PCDHAC1: variants seen among roughly 807,000 people sequenced by gnomAD.
PCDHAC1 encodes protocadherin alpha subfamily C, 1, also known as protocadherin alpha-C1.
Under a neutral mutation model 60.0 loss-of-function variants are expected in PCDHAC1, and 42 were observed. The ratio of observed to expected loss-of-function variants is 0.70; its 90% CI spans 0.55 to 0.90. PCDHAC1 has a LOEUF of 0.90. PCDHAC1 is among the 40% of genes least tolerant of loss of function. The pLI, the probability that PCDHAC1 is intolerant of heterozygous loss-of-function variation, is 0.00. For missense variants in PCDHAC1, 1,160 were observed against 1,222.3 expected (o/e 0.95, Z 0.76); for synonymous variants, 468 against 499.3 (o/e 0.94, Z 0.84).
intron 1 of PCDHAC1, among the ~76,000 whole-genome samples, chr5:140,954,551 T>C (rs2095055563): frequency 6.6e-6 from 1 of 152,250 alleles, no homozygotes; most frequent in South Asian, 2.1e-4. Context: ...ATATGTTTGT[T>C]GGCTGCATGA....
Position 140,927,928 on chromosome 5 carries a change from T to C in PCDHAC1, c.1036T>C (p.Ser346Pro). 1 of 1,614,214 alleles carries C rather than the reference T, an allele frequency of 6.2e-7. No individual in the cohort carries two copies. The highest frequency in any genetic ancestry group is 8.5e-7 in the Non-Finnish European group (1 of 1,180,034). ...HAPELDFLTL[S>P]NPVPEDAAPG... ...CCCCGAACTGGACTTCCTGACTCTTTCGAACCCAGTACCTGAGGACGCTGC... is the reference window on the plus strand; with the variant it reads ...CCCCGAACTGGACTTCCTGACTCTTCCGAACCCAGTACCTGAGGACGCTGC... Residue 346 changes from serine (S) to proline (P), a missense_variant, in exon 1 of 4, where the codon TCG becomes CCG. Around this residue, in one of 3 missense-constraint regions of PCDHAC1, gnomAD observed 1,113 missense variants for 1,163.7 expected, o/e 0.96. Coordinates refer to ENST00000253807, the MANE Select transcript of PCDHAC1 (RefSeq NM_018898.5).
At chr5:140,963,032 T>G (rs541613535) in intron 1 of PCDHAC1, among the ~76,000 whole-genome samples, 2 of 152,172 alleles carry the variant, frequency 1.3e-5, no homozygotes, top group African/African-American at 2.4e-5. Flanking sequence ...CAATTAACAT[T>G]TATTGAGAGT....
At chr5:140,930,814 T>A (rs1554208117) in intron 1 of PCDHAC1, among the ~76,000 whole-genome samples, 1 of 152,210 alleles carries the variant, frequency 6.6e-6, no homozygotes, top group Non-Finnish European at 1.5e-5. Flanking sequence ...AAGATATGCT[T>A]AGTAAATGCT....
intron 1 of PCDHAC1, chr5:140,969,054 A>G (rs782226153): frequency 6.2e-7 from 1 of 1,614,182 alleles, no homozygotes; most frequent in South Asian, 1.1e-5. Context: ...GCCAACAACA[A>G]TATTGATGCC....
Position 140,928,172 on chromosome 5 carries a change from C to T in PCDHAC1, c.1280C>T (p.Thr427Ile), listed in dbSNP as rs782267454. The part of the protein sequence containing the change: ...ASDSGSPPLS[T>I]RRTITVSVAD... ...GATAGTGGCTCACCCCCACTTAGCA[C>T]CCGAAGGACAATCACTGTGTCAGTT... The change falls in exon 1 of 4, where the codon ACC (threonine) becomes ATC (isoleucine). Residue 427 changes from threonine to isoleucine, a missense_variant. Coordinates refer to ENST00000253807, the MANE Select transcript of PCDHAC1 (RefSeq NM_018898.5). The T allele has an allele frequency of 6.2e-7, 1 of 1,614,200 alleles. No homozygotes were observed. The highest frequency in any genetic ancestry group is 1.1e-5 in the South Asian group (1 of 91,082).
Position 140,928,572 on chromosome 5 carries a change from C to T in PCDHAC1, c.1680C>T (p.Pro560=). 6.2e-7 allele frequency: 1 copy of T among 1,614,200 alleles called. No homozygotes were observed. The highest frequency in any genetic ancestry group is 8.5e-7 in the Non-Finnish European group (1 of 1,180,038). ...DNYPVILFPL[P]RNGSVPVEIV... ...ATCCGGTTATCTTGTTTCCCTTGCC[C>T]AGAAATGGTTCTGTCCCAGTGGAAA... Residue 560 remains proline (P), a synonymous_variant, in exon 1 of 4, where the codon CCC becomes CCT. Coordinates refer to ENST00000253807, the MANE Select transcript of PCDHAC1 (RefSeq NM_018898.5).
rs572273107 is a variant in PCDHAC1, at chr5:140,941,410, G to A, written c.2433+12085G>A. 1.3e-4 allele frequency among the ~76,000 whole-genome samples: 19 copies of A among 147,656 alleles called. 1 individual carries two copies. In the South Asian group the frequency reaches 3.3e-3, roughly 26 times the overall value. ...TGGCTCACTGCAACCTCCGCCTCCC[G>A]GGTTCAAGCAATTCTCTGCCTCAGC... On this transcript the variant is annotated intron_variant, in intron 1 of 3. Transcript: ENST00000253807.
chr5:140,994,784 A>G (rs1245945274), intron 3 of PCDHAC1, among the ~76,000 whole-genome samples: 2 of 152,202 alleles, frequency 1.3e-5, no homozygotes, highest in Non-Finnish European at 2.9e-5. Flanking sequence ...CAAAGGAAAC[A>G]ATGCGTGCAT....
At chr5:140,941,215 C>CTTTCTTTCTTTCTTTG (rs2092887387) in intron 1 of PCDHAC1, among the ~76,000 whole-genome samples, 2 of 104,510 alleles carry the variant, frequency 1.9e-5, no homozygotes, top group Non-Finnish European at 4.1e-5. Context: ...TTCTTTCTTC[C>CTTTCTTTCTTTCTTTG]TTTCTTTCTT....
intron 1 of PCDHAC1, chr5:140,967,010 C>G: frequency 6.2e-7 from 1 of 1,606,340 alleles, no homozygotes. Flanking sequence ...CATCAACCAT[C>G]TGGGTGCGCC....
At chr5:140,953,950 A>G (rs1458991224) in intron 1 of PCDHAC1, among the ~76,000 whole-genome samples, 1 of 151,936 alleles carries the variant, frequency 6.6e-6, no homozygotes, top group Non-Finnish European at 1.5e-5. Flanking sequence ...TTGCTCCCCC[A>G]ACAGGCCCCA....
chr5:140,933,938 T>C (rs1275274532), intron 1 of PCDHAC1, among the ~76,000 whole-genome samples: 1 of 152,108 alleles, frequency 6.6e-6, no homozygotes, highest in Non-Finnish European at 1.5e-5. Context: ...TGACTTTTTT[T>C]CACATCTGCA....
Position 140,927,818 on chromosome 5 carries a change from A to C in PCDHAC1, c.926A>C (p.Tyr309Ser), listed in dbSNP as rs1554205106. ...CCGCCTGAAACGCTCTTGGAGGCAT[A>C]CATTGAGGCGAGGGACGAAGGTGTC... The part of the protein sequence containing the change: ...LGPPETLLEA[Y>S]IEARDEGVFG... Residue 309 changes from tyrosine to serine, a missense_variant, in exon 1 of 4, where the codon TAC becomes TCC. Tyr to Ser is a moderately radical substitution (Grantham distance 144). Around this residue, in one of 3 missense-constraint regions of PCDHAC1, gnomAD observed 1,113 missense variants for 1,163.7 expected, o/e 0.96. Transcript: ENST00000253807. The C allele has an allele frequency of 6.2e-7, 1 of 1,614,190 alleles. No individual in the cohort carries two copies. Among genetic ancestry groups the C allele is most frequent in the Admixed American group, 1.7e-5 (1 of 60,024 alleles).
rs782428365 is a variant in PCDHAC1 at position 140,927,400 on chromosome 5, C to T, written c.508C>T (p.Arg170Cys). 7 of 1,614,126 alleles carry T rather than the reference C, an allele frequency of 4.3e-6. No homozygotes were observed. In the South Asian group the frequency reaches 5.5e-5, roughly 13 times the overall value. The change falls in exon 1 of 4, where the codon CGC becomes TGC. Residue 170 changes from arginine (R) to cysteine (C), a missense_variant. Physicochemically the swap from Arg to Cys is radical, Grantham distance 180. Around this residue, in one of 3 missense-constraint regions of PCDHAC1, gnomAD observed 1,113 missense variants for 1,163.7 expected, o/e 0.96. Transcript: ENST00000253807. ...CAGCCTAAGCCCCAGTCAGCACTTT[C>T]GCCTGGACATGGGATCGCGGGTTGA... ...SYSLSPSQHF[R>C]LDMGSRVDGS...
chr5:140,990,022 G>A (rs891983888), intron 3 of PCDHAC1, among the ~76,000 whole-genome samples: 1 of 152,156 alleles, frequency 6.6e-6, no homozygotes, highest in African/African-American at 2.4e-5. Flanking sequence ...GCTAGGCAAA[G>A]GATGGGAGAA....
intron 1 of PCDHAC1, among the ~76,000 whole-genome samples, chr5:140,951,625 A>T (rs2094607568): frequency 6.6e-6 from 1 of 152,114 alleles, no homozygotes; most frequent in African/African-American, 2.4e-5. Flanking sequence ...CAAGGGGGAA[A>T]CCTGCCCCAT....
At chr5:140,962,037 C>G (rs1449536712) in intron 1 of PCDHAC1, among the ~76,000 whole-genome samples, 1 of 152,066 alleles carries the variant, frequency 6.6e-6, no homozygotes, top group African/African-American at 2.4e-5. Flanking sequence ...GCACCCACCA[C>G]CATGCCTGGC....
rs782199565 is a variant in PCDHAC1, at chr5:140,926,986, C to A, written c.94C>A (p.Arg32=). ...GTACTCAGTGCCGGAGGAGACGGAG[C>A]GGGGCGTAGCCGTAGGCAATCTCTC... The part of the protein sequence containing the change: ...LEYSVPEETE[R]GVAVGNLSAD... Residue 32 remains arginine, a synonymous_variant, in exon 1 of 4, where the codon CGG becomes AGG. Coordinates refer to ENST00000253807, the MANE Select transcript of PCDHAC1 (RefSeq NM_018898.5). 8.1e-6 allele frequency: 13 copies of A among 1,610,594 alleles called. No homozygotes were observed. Among genetic ancestry groups the A allele is most frequent in the Non-Finnish European group, 2.5e-6 (3 of 1,177,816 alleles).
At chr5:140,982,436 T>G (rs782353079) in intron 2 of PCDHAC1, 39 bp from the exon 3 acceptor site, 18 of 1,613,262 alleles carry the variant, frequency 1.1e-5, no homozygotes, top group Non-Finnish European at 1.5e-5. Context: ...GGAAAGAATT[T>G]ATGATCTAAC....
Sources: gnomAD v4.1 joint callset for allele counts (sites outside exome capture counted in the v4.1 genomes callset) on GRCh38, gnomAD v4.1.1 for gene constraint, gnomAD v4.1.1 regional missense constraint, MANE v1.5 for transcripts, NCBI Gene and HGNC (gene_info 2026-07-23, HGNC 2026-07-21) for gene names.